The following LCLAT1 variants were observed in gnomAD, a reference collection of about 807,000 sequenced individuals.
The protein encoded by LCLAT1 is lysocardiolipin acyltransferase 1, also known as 1-AGP acyltransferase 8.
LCLAT1 carries 11 observed loss-of-function variants against 30.7 expected under a neutral mutation model. The observed-to-expected ratio is 0.36, with a 90% CI of 0.23 to 0.59. The LOEUF (loss-of-function observed/expected upper bound fraction) is 0.59. LCLAT1 is among the 20% of genes least tolerant of loss of function. LCLAT1 has a pLI of 0.77. For missense variants in LCLAT1, 402 were observed against 458.6 expected (o/e 0.88, Z 1.13); for synonymous variants, 155 against 151.3 (o/e 1.02, Z -0.18).
chr2:30,575,305 A>G (rs1665946856), intron 5 of LCLAT1, among the ~76,000 whole-genome samples: 2 of 151,930 alleles, frequency 1.3e-5, no homozygotes, highest in Non-Finnish European at 2.9e-5. Context: ...CCTTTAGGAT[A>G]GAGATACTGT....
chr2:30,515,867 TC>T (rs1401167432), intron 1 of LCLAT1, among the ~76,000 whole-genome samples: 1 of 152,208 alleles, frequency 6.6e-6, no homozygotes, highest in Non-Finnish European at 1.5e-5. Flanking sequence ...CCAATTTTCT[TC>T]CAGCAGAAGC....
chr2:30,488,944 A>G (rs1034316715), intron 1 of LCLAT1, among the ~76,000 whole-genome samples: 1 of 152,244 alleles, frequency 6.6e-6, no homozygotes, highest in African/African-American at 2.4e-5. Flanking sequence ...TATGGACTCT[A>G]AATTTGTGTA....
At chr2:30,533,932 A>G (rs1304725402) in intron 3 of LCLAT1, among the ~76,000 whole-genome samples, 1 of 152,204 alleles carries the variant, frequency 6.6e-6, no homozygotes, top group Non-Finnish European at 1.5e-5. Flanking sequence ...TCCTTTCTCA[A>G]CTTGCTACTT....
At chr2:30,496,692 C>T (rs1463061795) in intron 1 of LCLAT1, among the ~76,000 whole-genome samples, 1 of 151,870 alleles carries the variant, frequency 6.6e-6, no homozygotes, top group African/African-American at 2.4e-5. Flanking sequence ...TAGCATCCTC[C>T]CTCTCTAGAG....
At chr2:30,623,507 A>C (rs560315734) in intron 5 of LCLAT1, among the ~76,000 whole-genome samples, 3 of 152,314 alleles carry the variant, frequency 2.0e-5, no homozygotes, top group South Asian at 2.1e-4. Context: ...AGGTAGAAGA[A>C]AGAACTTCAG....
chr2:30,484,389 T>C, intron 1 of LCLAT1, among the ~76,000 whole-genome samples: 1 of 152,280 alleles, frequency 6.6e-6, no homozygotes, highest in African/African-American at 2.4e-5. Flanking sequence ...CACAGGGCTC[T>C]TTTGGAAATA....
chr2:30,515,944 G>A (rs2120343), intron 1 of LCLAT1, among the ~76,000 whole-genome samples: 2,153 of 152,204 alleles, frequency 0.014, 48 homozygotes, highest in African/African-American at 0.05. Context: ...AGGTATTGAG[G>A]GATAGTAATG....
chr2:30,488,686 T>C (rs559869502), intron 1 of LCLAT1, among the ~76,000 whole-genome samples: 1 of 152,342 alleles, frequency 6.6e-6, no homozygotes, highest in Non-Finnish European at 1.5e-5. Context: ...CCACCTAGGC[T>C]GCATTGATTT....
intron 1 of LCLAT1, among the ~76,000 whole-genome samples, chr2:30,517,335 A>G (rs1358672308): frequency 6.6e-6 from 1 of 152,124 alleles, no homozygotes; most frequent in African/African-American, 2.4e-5. Context: ...CTCCCAATTT[A>G]GGTATACAGC....
At chr2:30,575,847 G>A (rs936747711) in intron 5 of LCLAT1, among the ~76,000 whole-genome samples, 19 of 151,992 alleles carry the variant, frequency 1.3e-4, no homozygotes, top group Non-Finnish European at 2.1e-4. Flanking sequence ...TTGCAACCTC[G>A]TGTCTCTCTG....
chr2:30,589,605 T>C (rs1445054963), intron 5 of LCLAT1, among the ~76,000 whole-genome samples: 1 of 152,238 alleles, frequency 6.6e-6, no homozygotes, highest in Non-Finnish European at 1.5e-5. Flanking sequence ...TGTAAAACTG[T>C]TGATGAGGTG....
intron 1 of LCLAT1, among the ~76,000 whole-genome samples, chr2:30,476,182 G>A (rs1012802999): frequency 6.6e-6 from 1 of 152,208 alleles, no homozygotes; most frequent in Non-Finnish European, 1.5e-5. Flanking sequence ...TCCTGGAGCT[G>A]CTGAAGACAG....
At chr2:30,570,196 C>G (rs185968449) in intron 5 of LCLAT1, among the ~76,000 whole-genome samples, 47 of 152,244 alleles carry the variant, frequency 3.1e-4, no homozygotes, top group South Asian at 2.3e-3. Context: ...CACTAGTCAA[C>G]AACCACAGTA....
chr2:30,530,417 A>G (rs959054823), intron 2 of LCLAT1, among the ~76,000 whole-genome samples: 3 of 152,226 alleles, frequency 2.0e-5, no homozygotes, highest in African/African-American at 4.8e-5. Flanking sequence ...ATTACAACCA[A>G]TTAATGTGGA....
chr2:30,621,311 T>A (rs1668237064), intron 5 of LCLAT1, among the ~76,000 whole-genome samples: 1 of 152,176 alleles, frequency 6.6e-6, no homozygotes, highest in Non-Finnish European at 1.5e-5. Flanking sequence ...TATTGAGGCC[T>A]CAATCTCCCA....
intron 5 of LCLAT1, among the ~76,000 whole-genome samples, chr2:30,603,103 T>G (rs868494537): frequency 6.6e-6 from 1 of 152,106 alleles, no homozygotes; most frequent in Non-Finnish European, 1.5e-5. Flanking sequence ...AAATAATATA[T>G]CTAAGAAATT....
intron 1 of LCLAT1, among the ~76,000 whole-genome samples, chr2:30,515,498 G>C (rs919571075): frequency 6.6e-6 from 1 of 152,164 alleles, no homozygotes; most frequent in Non-Finnish European, 1.5e-5. Context: ...ACTGTCATAT[G>C]TTAACTTAAA....
At chr2:30,498,130 C>T (rs896515570) in intron 1 of LCLAT1, among the ~76,000 whole-genome samples, 4 of 152,072 alleles carry the variant, frequency 2.6e-5, no homozygotes, top group African/African-American at 7.2e-5. Flanking sequence ...GTTTAATAAG[C>T]GAAAGAGAAA....
chr2:30,558,234 A>T (rs1460871612), intron 3 of LCLAT1, among the ~76,000 whole-genome samples: 1 of 149,920 alleles, frequency 6.7e-6, no homozygotes, highest in Non-Finnish European at 1.5e-5. Flanking sequence ...CAAATCAATT[A>T]AAAAAATACA....
Sources: allele counts gnomAD v4.1 joint callset (sites outside exome capture counted in the v4.1 genomes callset), GRCh38; gene constraint gnomAD v4.1.1; transcripts MANE v1.5; gene names NCBI Gene and HGNC (gene_info 2026-07-23, HGNC 2026-07-21).